The following ZNF565 variants were observed in gnomAD, a reference collection of about 807,000 sequenced individuals.
ZNF565 encodes zinc finger protein 565.
A neutral mutation model predicts 39.4 loss-of-function variants in ZNF565; 27 were observed. That is an observed-to-expected ratio of 0.69 (90% confidence interval 0.51 to 0.95). The LOEUF (loss-of-function observed/expected upper bound fraction) is 0.95. ZNF565 is among the 40% of genes least tolerant of loss of function. The pLI is 0.00. For missense variants in ZNF565, 524 were observed against 621.1 expected (o/e 0.84, Z 1.66); for synonymous variants, 185 against 216.6 (o/e 0.85, Z 1.28).
At position 36,206,718 on chromosome 19, in the gene ZNF565, G is replaced by C. The variant is rs573296714; in HGVS notation, c.-65-4668C>G. On this transcript the variant is annotated intron_variant, in intron 1 of 4. Coordinates refer to ENST00000304116, the MANE Select transcript of ZNF565 (RefSeq NM_152477.5). ...GTGGTGGCGCATGCCTGTAATCCCA[G>C]CTACTCAGGAGGCTGAGGTGAGAGA... 4.6e-5 allele frequency among the ~76,000 whole-genome samples: 7 copies of C among 152,254 alleles called. No individual in the cohort carries two copies. The South Asian group carries it at 1.4e-3, about 32-fold the overall frequency.
At chr19:36,196,485 A>C (rs1439848574) in intron 2 of ZNF565, among the ~76,000 whole-genome samples, 1 of 152,230 alleles carries the variant, frequency 6.6e-6, no homozygotes, top group African/African-American at 2.4e-5. Flanking sequence ...AAGCACAGTT[A>C]TATGACTAGA....
intron 1 of ZNF565, among the ~76,000 whole-genome samples, chr19:36,244,292 G>T (rs1455438465): frequency 2.0e-5 from 3 of 152,226 alleles, no homozygotes; most frequent in Non-Finnish European, 4.4e-5. Flanking sequence ...GGATGCGGTG[G>T]CTCACGCCTG....
chr19:36,244,786 G>A (rs2145481850), intron 1 of ZNF565, among the ~76,000 whole-genome samples: 1 of 150,852 alleles, frequency 6.6e-6, no homozygotes, highest in Admixed American at 6.6e-5. Context: ...GGGAGGTGGA[G>A]GTTGCAGTGA....
rs896544895 is a variant in ZNF565, at chr19:36,245,434, G to A, written c.55+42C>T. 2.0e-5 allele frequency: 14 copies of A among 701,852 alleles called. No homozygotes were observed. Among genetic ancestry groups the A allele is most frequent in the African/African-American group, 3.5e-5 (2 of 57,226 alleles). The allele number at this position is 701,852 out of a possible 1,614,324, so 43.5% of individuals were successfully genotyped here. A position where few individuals can be genotyped will look rare whatever the true frequency, so the allele number is the denominator to read the frequency against. On this transcript the variant is annotated intron_variant, in intron 1 of 4. Transcript: ENST00000355114. The surrounding 1 kb of genome is among the most constrained non-coding windows in gnomAD (Gnocchi z 4.4). Reference sequence around the variant, plus strand: ...CTTACGACGCCCACCCAGAAAATCCGGATCACATTTCCCGTGGTCCACCGC... The same window carrying A: ...CTTACGACGCCCACCCAGAAAATCCAGATCACATTTCCCGTGGTCCACCGC...
chr19:36,218,622 C>T (rs1007214740), upstream of ZNF565, among the ~76,000 whole-genome samples: 3 of 151,662 alleles, frequency 2.0e-5, no homozygotes, highest in South Asian at 2.1e-4. Context: ...CCAGCCACCA[C>T]GCCTGGCTAA....
chr19:36,238,865 C>G, intron 1 of ZNF565: 1 of 159,350 alleles, frequency 6.3e-6, no homozygotes. Flanking sequence ...GGCGGGTGAG[C>G]GAGCATTGCC....
At chr19:36,230,121 A>G (rs1475732929) in intron 1 of ZNF565, among the ~76,000 whole-genome samples, 1 of 152,240 alleles carries the variant, frequency 6.6e-6, no homozygotes, top group African/African-American at 2.4e-5. Flanking sequence ...ATTGCTTTGC[A>G]GAAATATGCA....
chr19:36,223,214 T>A (rs918084458), intron 1 of ZNF565, among the ~76,000 whole-genome samples: 3 of 151,982 alleles, frequency 2.0e-5, no homozygotes, highest in African/African-American at 7.2e-5. Context: ...GTCAGGAGTT[T>A]GAGACTAGCC....
chr19:36,235,136 G>A (rs1353884307), intron 1 of ZNF565, among the ~76,000 whole-genome samples: 1 of 151,436 alleles, frequency 6.6e-6, no homozygotes, highest in African/African-American at 2.4e-5. Context: ...TTGAACCCAG[G>A]AGGCGGAGGC....
rs369610196 is a variant in ZNF565, at chr19:36,192,808, A to T, written c.232+1425T>A. Among the ~76,000 whole-genome samples, 394 of 149,182 alleles carry T rather than the reference A, an allele frequency of 2.6e-3. 2 individuals are homozygous for T. Among genetic ancestry groups the T allele is most frequent in the African/African-American group, 9.2e-3 (365 of 39,594 alleles). On this transcript the variant is annotated intron_variant, in intron 4 of 4. Transcript: ENST00000304116. ...TGGGCCACTGTGCCCAGCCAATAAA[A>T]TGGTTTTTTTTTTGGTTTGTTTTTT...
chr19:36,197,681 G>A (rs930295001), intron 2 of ZNF565, among the ~76,000 whole-genome samples: 1 of 152,024 alleles, frequency 6.6e-6, no homozygotes, highest in Non-Finnish European at 1.5e-5. Flanking sequence ...CTAAAAGAGA[G>A]GCAATAACAA....
chr19:36,200,527 C>T (rs183952777), intron 2 of ZNF565, among the ~76,000 whole-genome samples: 1 of 149,912 alleles, frequency 6.7e-6, no homozygotes, highest in African/African-American at 2.5e-5. Context: ...CTCACTCTGT[C>T]ACCCAGGCTG....
chr19:36,214,883 C>T (rs1976528252), upstream of ZNF565: 1 of 152,598 alleles, frequency 6.6e-6, no homozygotes, highest in Non-Finnish European at 1.5e-5. Flanking sequence ...TAAAGGACTA[C>T]TTACCTCAAG....
At chr19:36,200,060 C>T (rs951378001) in intron 2 of ZNF565, among the ~76,000 whole-genome samples, 1 of 151,452 alleles carries the variant, frequency 6.6e-6, no homozygotes, top group African/African-American at 2.4e-5. Flanking sequence ...GAGTCTCATT[C>T]TATCAGCCAG....
intron 1 of ZNF565, among the ~76,000 whole-genome samples, chr19:36,225,623 T>G (rs1274502419): frequency 6.6e-6 from 1 of 151,934 alleles, no homozygotes; most frequent in East Asian, 1.9e-4. Flanking sequence ...GCTAGTTTTT[T>G]TGTATTTTTT....
chr19:36,183,923 C>T (rs1975187443), intron 4 of ZNF565, among the ~76,000 whole-genome samples, 190 bp from the exon 5 acceptor site: 1 of 151,170 alleles, frequency 6.6e-6, no homozygotes. Flanking sequence ...ATTAAAAATA[C>T]AAAAATTAGC....
intron 1 of ZNF565, among the ~76,000 whole-genome samples, chr19:36,240,377 C>G (rs1164395256): frequency 6.6e-6 from 1 of 152,058 alleles, no homozygotes; most frequent in African/African-American, 2.4e-5. Flanking sequence ...GCCGTGATTG[C>G]ACCACTATAT....
At chr19:36,188,886 A>T (rs1036860523) in intron 4 of ZNF565, among the ~76,000 whole-genome samples, 1 of 152,224 alleles carries the variant, frequency 6.6e-6, no homozygotes, top group African/African-American at 2.4e-5. Flanking sequence ...GAGACATTCT[A>T]CAACTTGGAT....
rs747187646 is a variant in ZNF565 at position 36,202,067 on chromosome 19, G to A, written c.-65-17C>T. 3.5e-6 allele frequency: 5 copies of A among 1,419,992 alleles called. No homozygotes were observed. Among genetic ancestry groups the A allele is most frequent in the Admixed American group, 1.7e-5 (1 of 59,700 alleles). The allele number at this position is 1,419,992 out of a possible 1,614,324, so 88.0% of individuals were successfully genotyped here. ...TGCAGAGTCCTGAAAAAGCAAAATG[G>A]GGGGAGATGGGGTAACCTCTGATAA... is the stretch of plus-strand genomic sequence containing the variant. On this transcript the variant is annotated splice_polypyrimidine_tract_variant and intron_variant, in intron 1 of 4. Transcript: ENST00000304116.
Sources: gnomAD v4.1 joint callset for allele counts (sites outside exome capture counted in the v4.1 genomes callset) on GRCh38, gnomAD v4.1.1 for gene constraint, Gnocchi (gnomAD v3.1) non-coding constraint, MANE v1.5 for transcripts, NCBI Gene and HGNC (gene_info 2026-07-23, HGNC 2026-07-21) for gene names.